RYR2: variants seen among roughly 807,000 people sequenced by gnomAD.
RYR2 encodes ryanodine receptor 2, also known as cardiac muscle ryanodine receptor-calcium release channel.
A neutral mutation model predicts 601.1 loss-of-function variants in RYR2; 227 were observed. The observed-to-expected ratio is 0.38, with a 90% CI of 0.34 to 0.42. The LOEUF is 0.42. Ranked by LOEUF, RYR2 falls within the 10% of genes least tolerant of loss-of-function variation. The pLI, the probability that RYR2 is intolerant of heterozygous loss-of-function variation, is 1.00. For missense variants in RYR2, 4,646 were observed against 6,156.5 expected, an observed-to-expected ratio of 0.75 and a Z score of 8.21; for synonymous variants, 2,223 against 2,175.1, an observed-to-expected ratio of 1.02 and a Z score of -0.61.
rs574563209 is a variant in RYR2 at position 237,445,404 on chromosome 1, A to G, written c.1174A>G (p.Ile392Val). 9.3e-6 allele frequency: 15 copies of G among 1,613,494 alleles called. No individual in the cohort carries two copies. The highest frequency in any genetic ancestry group is 1.2e-5 in the Non-Finnish European group (14 of 1,179,586). Residue 392 changes from isoleucine (I) to valine (V), a missense_variant, in exon 14 of 105, where the codon ATT becomes GTT. This residue lies in a region of RYR2 where 1,807 missense variants were observed against 2,088.1 expected (regional missense o/e 0.87). Transcript: ENST00000366574. Reference sequence around the variant, plus strand: ...CCTTATTTTTGCTTTCTTACAGGCTATTATGCATCATGAAGGCCACATGGA... The same window carrying G: ...CCTTATTTTTGCTTTCTTACAGGCTGTTATGCATCATGAAGGCCACATGGA... ...VRMGSIQRKA[I>V]MHHEGHMDDG...
Position 237,698,991 on chromosome 1 carries a change from T to C in RYR2, c.9094T>C (p.Cys3032Arg). 1 of 1,557,470 alleles carries C rather than the reference T, an allele frequency of 6.4e-7. No individual in the cohort carries two copies. The highest frequency in any genetic ancestry group is 8.7e-7 in the Non-Finnish European group (1 of 1,146,380). Residue 3032 changes from cysteine (C) to arginine (R), a missense_variant, in exon 64 of 105, where the codon TGT (cysteine) becomes CGT (arginine). Physicochemically the swap from Cys to Arg is radical, Grantham distance 180 (BLOSUM62 -3). Transcript: ENST00000366574. ...CAATGATGCAACATCAATTGTCAAC[T>C]GTCTTCATATTTTGGGTCAGACTTT... The part of the protein sequence containing the change: ...FGNDATSIVN[C>R]LHILGQTLDA...
chr1:237,701,899 A>G (rs2149037939), intron 65 of RYR2, 79 bp from the exon 66 acceptor site: 2 of 748,786 alleles, frequency 2.7e-6, no homozygotes, highest in African/African-American at 3.5e-5. Context: ...TAAACTGAAT[A>G]GTACATAGCT....
At position 237,247,809 on chromosome 1, in the gene RYR2, A is replaced by T. The variant is rs6667286; in HGVS notation, c.49-22688A>T. On this transcript the variant is annotated intron_variant, in intron 1 of 104. Coordinates refer to ENST00000366574, the MANE Select transcript of RYR2 (RefSeq NM_001035.3). ...GAGATCTGCTGCTGGCTCTGCTGGAAGAAAGTAGAGTCCAGGATATCTTAG... is the reference window on the plus strand; with the variant it reads ...GAGATCTGCTGCTGGCTCTGCTGGATGAAAGTAGAGTCCAGGATATCTTAG... 5.2e-3 allele frequency among the ~76,000 whole-genome samples: 792 copies of T among 152,318 alleles called. 6 individuals are homozygous for T. The highest frequency in any genetic ancestry group is 0.017 in the African/African-American group (714 of 41,566).
At chr1:237,541,804 TTGAGCCAGGA>T (rs1439332256) in intron 25 of RYR2, among the ~76,000 whole-genome samples, 1 of 152,100 alleles carries the variant, frequency 6.6e-6, no homozygotes, top group Non-Finnish European at 1.5e-5. Flanking sequence ...GGGGAGCTTT[TTGAGCCAGGA>T]TGAGCCAGGA....
rs149140142 is a variant in RYR2, at chr1:237,551,106, T to C, written c.3214+415T>C. ...CACACACGTACAGGCAACATTGAAT[T>C]AATTAATGTGATATTCTGCTTTAAG... is the stretch of plus-strand genomic sequence containing the variant. On this transcript the variant is annotated intron_variant, in intron 27 of 104. Transcript: ENST00000366574. Among the ~76,000 whole-genome samples the C allele has an allele frequency of 6.0e-4, 92 of 152,348 alleles. 1 individual carries two copies. In the East Asian group the frequency reaches 0.016, roughly 27 times the overall value.
intron 7 of RYR2, among the ~76,000 whole-genome samples, 161 bp from the exon 8 acceptor site, chr1:237,377,162 A>G (rs1701107888): frequency 6.6e-6 from 1 of 152,250 alleles, no homozygotes; most frequent in African/African-American, 2.4e-5. Flanking sequence ...ATCTTATTTT[A>G]TCCTAAGCTA....
chr1:237,128,256 C>G (rs982244228), intron 1 of RYR2, among the ~76,000 whole-genome samples: 1 of 152,158 alleles, frequency 6.6e-6, no homozygotes, highest in Non-Finnish European at 1.5e-5. Context: ...AGCCTGCGAT[C>G]GCAGGCACTC....
At chr1:237,396,751 C>T (rs920557824) in intron 10 of RYR2, among the ~76,000 whole-genome samples, 87 of 152,336 alleles carry the variant, frequency 5.7e-4, no homozygotes, top group Non-Finnish European at 7.8e-4. Flanking sequence ...ACTTAAAAGA[C>T]ATTCACATGG....
intron 60 of RYR2, among the ~76,000 whole-genome samples, chr1:237,677,623 A>T (rs1484519398): frequency 6.6e-6 from 1 of 152,158 alleles, no homozygotes; most frequent in African/African-American, 2.4e-5. Flanking sequence ...CGAAGAGGCA[A>T]TCTTTATTAT....
At chr1:237,756,637 A>G (rs1326736918) in intron 81 of RYR2, among the ~76,000 whole-genome samples, 1 of 152,040 alleles carries the variant, frequency 6.6e-6, no homozygotes, top group Non-Finnish European at 1.5e-5. Flanking sequence ...ACTATGTTAT[A>G]ACTAAACCTT....
intron 17 of RYR2, among the ~76,000 whole-genome samples, chr1:237,488,358 G>A (rs553875350): frequency 4.6e-5 from 7 of 152,262 alleles, no homozygotes; most frequent in African/African-American, 1.7e-4. Context: ...TGCAGATATG[G>A]CATCCTGAGG....
intron 1 of RYR2, among the ~76,000 whole-genome samples, chr1:237,225,299 G>T (rs765661763): frequency 6.6e-6 from 1 of 152,084 alleles, no homozygotes; most frequent in Non-Finnish European, 1.5e-5. Flanking sequence ...ACCTGTATTC[G>T]TCCGTTTTCG....
intron 11 of RYR2, among the ~76,000 whole-genome samples, chr1:237,420,520 G>A (rs867605166): frequency 2.0e-5 from 3 of 152,034 alleles, no homozygotes; most frequent in Admixed American, 6.6e-5. Context: ...TTCTTGCCTT[G>A]CCCTCTCATT....
At chr1:237,534,734 C>T (rs1487420674) in intron 25 of RYR2, among the ~76,000 whole-genome samples, 1 of 151,990 alleles carries the variant, frequency 6.6e-6, no homozygotes, top group Non-Finnish European at 1.5e-5. Context: ...CTTGATCTTG[C>T]TAAATGAACC....
intron 2 of RYR2, among the ~76,000 whole-genome samples, chr1:237,280,250 A>ACTT (rs925124439): frequency 2.4e-4 from 36 of 152,238 alleles, no homozygotes; most frequent in African/African-American, 8.2e-4. Context: ...ATGCTAGATG[A>ACTT]TGTAAGAAAG....
intron 1 of RYR2, among the ~76,000 whole-genome samples, chr1:237,187,822 T>A (rs61832395): frequency 0.96 from 145,623 of 151,970 alleles, 69,932 homozygotes; most frequent in Non-Finnish European, 0.99. Flanking sequence ...GTCCAGAGAT[T>A]ATTTGAGATT....
At chr1:237,591,670 A>G (rs1322182927) in intron 31 of RYR2, 69 bp from the exon 32 acceptor site, 17 of 1,268,454 alleles carry the variant, frequency 1.3e-5, no homozygotes, top group East Asian at 2.5e-5. Context: ...TCAATTGATT[A>G]TATGCTCATA....
intron 1 of RYR2, among the ~76,000 whole-genome samples, chr1:237,158,370 G>A (rs562260412): frequency 2.6e-5 from 4 of 152,192 alleles, no homozygotes; most frequent in Admixed American, 6.5e-5. Context: ...AACAAGATAA[G>A]CGTCTGGAAG....
intron 1 of RYR2, among the ~76,000 whole-genome samples, chr1:237,067,718 A>G (rs1372767618): frequency 6.6e-6 from 1 of 152,188 alleles, no homozygotes; most frequent in Non-Finnish European, 1.5e-5. Flanking sequence ...TTGAATTGGC[A>G]TCTTTATTAT....
Sources: gnomAD v4.1 joint callset for allele counts (sites outside exome capture counted in the v4.1 genomes callset) on GRCh38, gnomAD v4.1.1 for gene constraint, gnomAD v4.1.1 regional missense constraint, MANE v1.5 for transcripts, NCBI Gene and HGNC (gene_info 2026-07-23, HGNC 2026-07-21) for gene names.